The following SYNDIG1L variants were observed in gnomAD, a reference collection of about 807,000 sequenced individuals.
The protein encoded by SYNDIG1L is synapse differentiation-inducing gene protein 1-like.
In SYNDIG1L, 13 loss-of-function variants were observed where a neutral mutation model predicts 20.1. That is an observed-to-expected ratio of 0.65 (90% CI 0.42 to 1.03). SYNDIG1L has a LOEUF of 1.03. SYNDIG1L is among the 50% of genes least tolerant of loss of function. The pLI, the probability that SYNDIG1L is intolerant of heterozygous loss-of-function variation, is 0.00. For synonymous variants in SYNDIG1L, 128 were observed against 129.3 expected, an observed-to-expected ratio of 0.99 and a Z score of 0.07; for missense variants, 294 against 305.1, an observed-to-expected ratio of 0.96 and a Z score of 0.27.
chr14:74,478,654 T>C, the SYNDIG1L span, among the ~76,000 whole-genome samples: 1 of 152,174 alleles, frequency 6.6e-6, no homozygotes, highest in Non-Finnish European at 1.5e-5. Context: ...CACATGAGAA[T>C]TGAGCTTTTC....
chr14:74,407,360 G>T lies in SYNDIG1L; in HGVS notation c.*175C>A. Reference sequence around the variant, plus strand: ...CCCTGCTCTGGGGCTGGGAGCAGCGGGCAAGCAGAAGTGAAGGCTGAGCTC... The same window carrying T: ...CCCTGCTCTGGGGCTGGGAGCAGCGTGCAAGCAGAAGTGAAGGCTGAGCTC... On this transcript the variant is annotated 3_prime_UTR_variant, in exon 4 of 4. Coordinates refer to ENST00000331628, the MANE Select transcript of SYNDIG1L (RefSeq NM_001105579.2). The T allele has an allele frequency of 1.1e-6, 1 of 898,440 alleles. No homozygotes were observed. The highest frequency in any genetic ancestry group is 1.7e-6 in the Non-Finnish European group (1 of 604,434). 55.7% of individuals were successfully genotyped at this position (898,440 alleles called of 1,614,324 possible).
intron 1 of SYNDIG1L, among the ~76,000 whole-genome samples, chr14:74,415,620 G>A (rs749005247): frequency 3.3e-5 from 5 of 151,846 alleles, no homozygotes; most frequent in South Asian, 2.1e-4. Context: ...AGCTCACTGC[G>A]CCTCGACTTT....
intron 2 of SYNDIG1L, 48 bp from the exon 3 acceptor site, chr14:74,408,037 C>G (rs2086098884): frequency 6.5e-7 from 1 of 1,546,388 alleles, no homozygotes; most frequent in African/African-American, 1.4e-5. Flanking sequence ...CAGCCCAGCC[C>G]CATCAGGCTG....
the SYNDIG1L span, among the ~76,000 whole-genome samples, chr14:74,461,802 C>T: frequency 2.0e-5 from 3 of 149,078 alleles, no homozygotes; most frequent in African/African-American, 7.5e-5. Flanking sequence ...TAAACAAGGC[C>T]GGGTGCAGTG....
the SYNDIG1L span, among the ~76,000 whole-genome samples, chr14:74,441,447 G>A: frequency 3.9e-5 from 6 of 152,186 alleles, no homozygotes; most frequent in Admixed American, 6.6e-5. Flanking sequence ...AATCTGTTAC[G>A]ACCTTGCTGT....
At chr14:74,468,888 C>T in the SYNDIG1L span, among the ~76,000 whole-genome samples, 1 of 152,196 alleles carries the variant, frequency 6.6e-6, no homozygotes, top group Non-Finnish European at 1.5e-5. Context: ...CTATCTCCTC[C>T]CCTCCAGGAA....
intron 1 of SYNDIG1L, among the ~76,000 whole-genome samples, chr14:74,410,397 G>A (rs1301710414): frequency 6.6e-6 from 1 of 152,200 alleles, no homozygotes; most frequent in African/African-American, 2.4e-5. Flanking sequence ...GGCAGGTGTG[G>A]TGCAGGGCAC....
chr14:74,426,604 A>G (rs2086268553), upstream of SYNDIG1L, among the ~76,000 whole-genome samples: 1 of 152,214 alleles, frequency 6.6e-6, no homozygotes, highest in Non-Finnish European at 1.5e-5. Context: ...TTGAGCACCT[A>G]CTATATACCA....
the SYNDIG1L span, among the ~76,000 whole-genome samples, chr14:74,459,604 C>G: frequency 1.1e-3 from 161 of 152,344 alleles, no homozygotes; most frequent in Admixed American, 1.6e-3. Context: ...CTTTTCAAAC[C>G]ATGCTTGGTA....
At chr14:74,429,902 T>C (rs550456101), upstream of SYNDIG1L, among the ~76,000 whole-genome samples, 20 of 152,236 alleles carry the variant, frequency 1.3e-4, no homozygotes, top group Non-Finnish European at 2.8e-4. Context: ...TCTAGAGTTG[T>C]CTGTCTTTTA....
the SYNDIG1L span, among the ~76,000 whole-genome samples, chr14:74,470,212 T>A: frequency 6.6e-6 from 1 of 152,322 alleles, no homozygotes; most frequent in Admixed American, 6.5e-5. Flanking sequence ...ATTCTTGTTT[T>A]TTCACTCTGT....
chr14:74,478,562 A>G, the SYNDIG1L span, among the ~76,000 whole-genome samples: 34,585 of 152,098 alleles, frequency 0.23, 4,379 homozygotes, highest in African/African-American at 0.33. Flanking sequence ...ACAAGGGCAG[A>G]GGAGTATGCA....
the SYNDIG1L span, among the ~76,000 whole-genome samples, chr14:74,452,394 T>C: frequency 6.6e-6 from 1 of 152,118 alleles, no homozygotes; most frequent in East Asian, 1.9e-4. Flanking sequence ...GATTGAATTA[T>C]TGGGGGTGAG....
the SYNDIG1L span, among the ~76,000 whole-genome samples, chr14:74,433,151 A>T: frequency 3.3e-5 from 5 of 152,000 alleles, no homozygotes; most frequent in African/African-American, 1.2e-4. Flanking sequence ...GCCTGAGGAG[A>T]TGCTGTGGGG....
chr14:74,440,771 G>T, the SYNDIG1L span, among the ~76,000 whole-genome samples: 5 of 151,390 alleles, frequency 3.3e-5, no homozygotes, highest in Non-Finnish European at 5.9e-5. Context: ...TTTTAAAGAC[G>T]TGATAAATGT....
chr14:74,436,967 C>G, the SYNDIG1L span, among the ~76,000 whole-genome samples: 4 of 152,144 alleles, frequency 2.6e-5, no homozygotes, highest in Admixed American at 6.5e-5. Context: ...CGTATTTTCC[C>G]TCCCATAGCA....
chr14:74,423,461 T>C (rs1237076784), intron 1 of SYNDIG1L, among the ~76,000 whole-genome samples: 1 of 152,168 alleles, frequency 6.6e-6, no homozygotes, highest in African/African-American at 2.4e-5. Flanking sequence ...AGAGAGCTGA[T>C]TCTTGCCAGT....
chr14:74,428,771 G>A (rs2086283964), upstream of SYNDIG1L, among the ~76,000 whole-genome samples: 1 of 152,156 alleles, frequency 6.6e-6, no homozygotes. Flanking sequence ...CTCCACCAGA[G>A]CCCAGGAAAG....
the SYNDIG1L span, among the ~76,000 whole-genome samples, chr14:74,432,321 A>G: frequency 1.3e-5 from 2 of 152,202 alleles, no homozygotes; most frequent in African/African-American, 4.8e-5. Context: ...AAGGCTGTGC[A>G]TTACAGCAAA....
Sources: allele counts gnomAD v4.1 joint callset (sites outside exome capture counted in the v4.1 genomes callset), GRCh38; gene constraint gnomAD v4.1.1; transcripts MANE v1.5; gene names NCBI Gene and HGNC (gene_info 2026-07-23, HGNC 2026-07-21).